MRTFB: variants seen among roughly 807,000 people sequenced by gnomAD.
The protein encoded by MRTFB is myocardin related transcription factor B.
Under a neutral mutation model 104.2 loss-of-function variants are expected in MRTFB, and 29 were observed. That is an observed-to-expected ratio of 0.28 (90% confidence interval 0.21 to 0.38). The LOEUF (loss-of-function observed/expected upper bound fraction) is 0.38, where lower values mean the gene tolerates loss of function less well. Among genes scored for constraint, MRTFB ranks in the 10% least tolerant of loss-of-function variants. The probability of loss-of-function intolerance (pLI) is 1.00; values close to 1 mark genes in which losing one functional copy is unlikely to be tolerated. For synonymous variants in MRTFB, 535 were observed against 519.5 expected, an observed-to-expected ratio of 1.03 and a Z score of -0.41; for missense variants, 1,270 against 1,341.6, an observed-to-expected ratio of 0.95 and a Z score of 0.83.
At chr16:14,166,011 GA>G (rs1447106620) in intron 3 of MRTFB, among the ~76,000 whole-genome samples, 2 of 152,206 alleles carry the variant, frequency 1.3e-5, no homozygotes, top group African/African-American at 4.8e-5. Context: ...TTGAAAGTAA[GA>G]AGTAGGACAT....
At chr16:14,246,241 G>C (rs190126741) in intron 11 of MRTFB, among the ~76,000 whole-genome samples, 2 of 152,118 alleles carry the variant, frequency 1.3e-5, no homozygotes, top group Non-Finnish European at 2.9e-5. Context: ...CTGCTTTGAC[G>C]TAAAAGCGGA....
intron 3 of MRTFB, 45 bp downstream of exon 3, chr16:14,140,805 C>T (rs781182284): frequency 6.2e-7 from 1 of 1,610,212 alleles, no homozygotes; most frequent in Admixed American, 1.7e-5. Context: ...AAAGATTTCC[C>T]CTCTTTGGGA....
chr16:14,081,213 T>A (rs146623862), intron 2 of MRTFB, among the ~76,000 whole-genome samples: 1 of 152,154 alleles, frequency 6.6e-6, no homozygotes, highest in African/African-American at 2.4e-5. Flanking sequence ...TGAGGTGATA[T>A]CTCACTGTGG....
intron 8 of MRTFB, among the ~76,000 whole-genome samples, chr16:14,224,533 A>G (rs2041910303): frequency 6.6e-6 from 1 of 152,236 alleles, no homozygotes; most frequent in South Asian, 2.1e-4. Context: ...GCAGGAACGC[A>G]CATTATAATC....
intron 2 of MRTFB, among the ~76,000 whole-genome samples, chr16:14,115,932 C>T (rs2036520861): frequency 6.6e-6 from 1 of 152,192 alleles, no homozygotes; most frequent in Non-Finnish European, 1.5e-5. Flanking sequence ...TGACTGTCAC[C>T]TGGATCACAG....
intron 3 of MRTFB, among the ~76,000 whole-genome samples, chr16:14,165,880 T>C (rs1326092843): frequency 6.6e-6 from 1 of 152,248 alleles, no homozygotes; most frequent in African/African-American, 2.4e-5. Context: ...ATATTTAGCA[T>C]TCCCTGTTTT....
At chr16:14,135,642 T>G (rs1375751043) in intron 2 of MRTFB, among the ~76,000 whole-genome samples, 1 of 152,236 alleles carries the variant, frequency 6.6e-6, no homozygotes, top group Non-Finnish European at 1.5e-5. Context: ...GTTTCTGCAT[T>G]TCCACTGTCT....
chr16:14,252,380 C>G lies in MRTFB; in HGVS notation c.2581C>G (p.Pro861Ala). 1.9e-6 allele frequency: 3 copies of G among 1,613,438 alleles called. No homozygotes were observed. ...NTPNKPSSPP[P>A]PQQFVVQHSL... is the part of the protein sequence containing the mutation. The stretch of plus-strand genomic sequence containing the variant: ...TTTGACACAGCCTAGTTCACCCCCG[C>G]CACCCCAGCAATTTGTCGTCCAGCA... Residue 861 changes from proline to alanine, a missense_variant, in exon 15 of 17, where the codon CCA becomes GCA. By Grantham distance (27) the Pro-to-Ala change is conservative (BLOSUM62 -1). Around this residue, in one of 3 missense-constraint regions of MRTFB, gnomAD observed 1,144 missense variants for 1,131.5 expected, o/e 1.01. Transcript: ENST00000571589.
chr16:14,018,310 C>G, the MRTFB span, among the ~76,000 whole-genome samples: 1 of 152,138 alleles, frequency 6.6e-6, no homozygotes, highest in African/African-American at 2.4e-5. Flanking sequence ...GGAATAATAT[C>G]TAACTTTACA....
At chr16:14,211,781 A>G (rs2041199511) in intron 4 of MRTFB, among the ~76,000 whole-genome samples, 1 of 152,190 alleles carries the variant, frequency 6.6e-6, no homozygotes, top group Non-Finnish European at 1.5e-5. Context: ...TCTAGATTTA[A>G]ATACCACTTT....
At chr16:14,006,793 A>G in the MRTFB span, among the ~76,000 whole-genome samples, 1 of 151,768 alleles carries the variant, frequency 6.6e-6, no homozygotes, top group Admixed American at 6.6e-5. Flanking sequence ...AGGCAAGAGG[A>G]TTACTTGAGC....
At chr16:14,109,204 T>C (rs2036147818) in intron 2 of MRTFB, among the ~76,000 whole-genome samples, 1 of 152,146 alleles carries the variant, frequency 6.6e-6, no homozygotes, top group South Asian at 2.1e-4. Flanking sequence ...TGTTGTGTAG[T>C]TCCTTCCTTT....
intron 3 of MRTFB, among the ~76,000 whole-genome samples, chr16:14,192,184 C>G (rs2040213655): frequency 6.8e-6 from 1 of 146,766 alleles, no homozygotes; most frequent in African/African-American, 2.5e-5. Flanking sequence ...CCAGCCTAGG[C>G]AACATAGCAA....
At chr16:14,197,087 C>A (rs1489521327) in intron 3 of MRTFB, among the ~76,000 whole-genome samples, 1 of 151,088 alleles carries the variant, frequency 6.6e-6, no homozygotes, top group Admixed American at 6.6e-5. Context: ...CCCACCCCAC[C>A]TCCACCTCAG....
At chr16:14,236,178 G>A (rs2042497603) in intron 9 of MRTFB, among the ~76,000 whole-genome samples, 1 of 152,144 alleles carries the variant, frequency 6.6e-6, no homozygotes, top group Non-Finnish European at 1.5e-5. Flanking sequence ...GTGACAGAGT[G>A]AGACCCTGCC....
At chr16:14,075,854 G>C (rs1476913660) in intron 1 of MRTFB, among the ~76,000 whole-genome samples, 1 of 152,184 alleles carries the variant, frequency 6.6e-6, no homozygotes, top group East Asian at 1.9e-4. Flanking sequence ...TTTGTAGGTG[G>C]TTCTCTTTTG....
chr16:14,159,185 C>G (rs2038937667), intron 3 of MRTFB, among the ~76,000 whole-genome samples: 1 of 152,062 alleles, frequency 6.6e-6, no homozygotes, highest in Admixed American at 6.5e-5. Context: ...CTTCAGTGTT[C>G]TCAAGTTGTA....
At chr16:14,095,271 C>A (rs1047698673) in intron 2 of MRTFB, among the ~76,000 whole-genome samples, 1 of 152,182 alleles carries the variant, frequency 6.6e-6, no homozygotes, top group African/African-American at 2.4e-5. Context: ...TGAAATGAGT[C>A]CACATTATCA....
rs369274292 is a variant in MRTFB, at chr16:14,181,486, G to C, written c.155-28757G>C. Among the ~76,000 whole-genome samples, 103 of 152,272 alleles carry C rather than the reference G, an allele frequency of 6.8e-4. 1 individual carries two copies. In the South Asian group the frequency reaches 0.021, roughly 30 times the overall value. Reference sequence around the variant, plus strand: ...AAAGCTTACTATTATTCACTTGAGTGAATAGCTACTGAGGATCTATTAGCA... The same window carrying C: ...AAAGCTTACTATTATTCACTTGAGTCAATAGCTACTGAGGATCTATTAGCA... On this transcript the variant is annotated intron_variant, in intron 3 of 16. Transcript: ENST00000571589.
Sources: allele counts gnomAD v4.1 joint callset (sites outside exome capture counted in the v4.1 genomes callset), GRCh38; gene constraint gnomAD v4.1.1; regional missense constraint gnomAD v4.1.1; transcripts MANE v1.5; gene names NCBI Gene and HGNC (gene_info 2026-07-23, HGNC 2026-07-21).